UBE4A: variants seen among roughly 807,000 people sequenced by gnomAD.
UBE4A encodes ubiquitin conjugation factor E4 A.
Under a neutral mutation model 117.9 loss-of-function variants are expected in UBE4A, and 48 were observed. That is an observed-to-expected ratio of 0.41 (90% confidence interval 0.32 to 0.52). The LOEUF is 0.52. Among genes scored for constraint, UBE4A ranks in the 20% least tolerant of loss-of-function variants. The pLI, the probability that UBE4A is intolerant of heterozygous loss-of-function variation, is 0.33. For synonymous variants in UBE4A, 407 were observed against 450.0 expected (o/e 0.90, Z 1.21); for missense variants, 1,067 against 1,296.3 (o/e 0.82, Z 2.72).
chr11:118,378,936 C>G (rs1555125828), intron 10 of UBE4A: 1 of 153,952 alleles, frequency 6.5e-6, no homozygotes, highest in Admixed American at 6.4e-5. Flanking sequence ...GGAAGCTGCT[C>G]TTAGATTGCA....
intron 1 of UBE4A, among the ~76,000 whole-genome samples, chr11:118,361,849 T>C (rs1256138180): frequency 6.6e-6 from 1 of 152,190 alleles, no homozygotes; most frequent in East Asian, 1.9e-4. Context: ...AGCCATTCAA[T>C]AACTACTTAT....
chr11:118,361,995 T>G (rs1296700052), intron 1 of UBE4A, among the ~76,000 whole-genome samples: 1 of 152,174 alleles, frequency 6.6e-6, no homozygotes, highest in Non-Finnish European at 1.5e-5. Context: ...AAGTTTAAAA[T>G]CCTAGTAAAA....
chr11:118,362,861 A>G (rs1343111731), intron 1 of UBE4A, among the ~76,000 whole-genome samples: 1 of 152,190 alleles, frequency 6.6e-6, no homozygotes, highest in African/African-American at 2.4e-5. Flanking sequence ...AAAATGCTGT[A>G]TTCTTTTTAG....
At chr11:118,369,876 G>A (rs539063819) in intron 4 of UBE4A, among the ~76,000 whole-genome samples, 20 of 151,170 alleles carry the variant, frequency 1.3e-4, no homozygotes, top group South Asian at 2.1e-4. Flanking sequence ...GGTGGATCAC[G>A]AGGTCAGGAG....
At chr11:118,388,195 G>T (rs1421224576) in intron 16 of UBE4A, among the ~76,000 whole-genome samples, 1 of 152,086 alleles carries the variant, frequency 6.6e-6, no homozygotes, top group African/African-American at 2.4e-5. Flanking sequence ...TATATTGAGG[G>T]CATCTGTGAT....
chr11:118,379,537 G>A lies in UBE4A; in HGVS notation c.1663G>A (p.Asp555Asn). 6.2e-7 allele frequency: 1 copy of A among 1,614,220 alleles called. No homozygotes were observed. Among genetic ancestry groups the A allele is most frequent in the Non-Finnish European group, 8.5e-7 (1 of 1,180,036 alleles). ...DAQQSSSPAA[D>N]NLREQFERLM... ...TCAGCAAAGTTCTAGCCCTGCTGCTGACAATCTTCGTGAGCAGTTTGAACG... is the reference window on the plus strand; with the variant it reads ...TCAGCAAAGTTCTAGCCCTGCTGCTAACAATCTTCGTGAGCAGTTTGAACG... The change falls in exon 11 of 20, where the codon GAC (aspartate) becomes AAC (asparagine). Residue 555 changes from aspartate to asparagine, a missense_variant. Physicochemically the swap from Asp to Asn is conservative, Grantham distance 23. This residue lies in a region of UBE4A where 1,001 missense variants were observed against 1,184.0 expected (regional missense o/e 0.85). Coordinates refer to ENST00000252108, the MANE Select transcript of UBE4A (RefSeq NM_001204077.2).
intron 9 of UBE4A, among the ~76,000 whole-genome samples, chr11:118,375,888 C>T (rs1447663121): frequency 6.6e-6 from 1 of 152,132 alleles, no homozygotes; most frequent in East Asian, 1.9e-4. Context: ...GCTATGGGAG[C>T]ACAGAGGAGG....
chr11:118,369,064 A>G (rs1282589652), intron 3 of UBE4A, among the ~76,000 whole-genome samples: 1 of 152,216 alleles, frequency 6.6e-6, no homozygotes, highest in Non-Finnish European at 1.5e-5. Context: ...AGGAAATGGG[A>G]AGGGTAGCCA....
At position 118,374,807 on chromosome 11, in the gene UBE4A, A is replaced by G. The variant is rs868974673; in HGVS notation, c.1117-89A>G. 2.1e-5 allele frequency: 26 copies of G among 1,259,576 alleles called. No individual in the cohort carries two copies. The African/African-American group carries it at 3.3e-4, about 16-fold the overall frequency. 78.0% of individuals were successfully genotyped at this position (1,259,576 alleles called of 1,614,324 possible). A position where few individuals can be genotyped will look rare whatever the true frequency, so the allele number is the denominator to read the frequency against. On this transcript the variant is annotated intron_variant, in intron 8 of 19. Coordinates refer to ENST00000252108, the MANE Select transcript of UBE4A (RefSeq NM_001204077.2). ...TGAGGGGAAAGATTAGGATTAGCAT[A>G]TTTTTGGAAACTGCCAGTTGCTAAG...
chr11:118,393,035 T>C (rs1373603781), intron 19 of UBE4A, 140 bp downstream of exon 19: 1 of 836,182 alleles, frequency 1.2e-6, no homozygotes, highest in Admixed American at 3.2e-5. Flanking sequence ...GAAGACATTT[T>C]GGTTTCAATT....
chr11:118,382,857 C>G (rs554512348), intron 13 of UBE4A, 81 bp downstream of exon 13: 1 of 1,277,974 alleles, frequency 7.8e-7, no homozygotes, highest in East Asian at 2.8e-5. Context: ...ATTTGGATAT[C>G]AAAGAAATGT....
chr11:118,365,273 A>T, intron 2 of UBE4A, 72 bp downstream of exon 2: 1 of 1,451,030 alleles, frequency 6.9e-7, no homozygotes. Flanking sequence ...GTATTCTTTG[A>T]GTCCTTAATT....
chr11:118,379,796 G>C, intron 11 of UBE4A, 46 bp downstream of exon 11: 1 of 1,554,524 alleles, frequency 6.4e-7, no homozygotes, highest in East Asian at 2.3e-5. Context: ...AGCCTTCTGA[G>C]TTTAAGTGGG....
intron 2 of UBE4A, among the ~76,000 whole-genome samples, chr11:118,367,352 AATTT>A (rs1281657297): frequency 6.6e-6 from 1 of 152,150 alleles, no homozygotes; most frequent in Non-Finnish European, 1.5e-5. Flanking sequence ...ATGATTAAAA[AATTT>A]ATTCTCATCA....
intron 19 of UBE4A, among the ~76,000 whole-genome samples, chr11:118,393,365 C>T (rs913735186): frequency 3.3e-5 from 5 of 152,096 alleles, no homozygotes; most frequent in African/African-American, 7.2e-5. Flanking sequence ...TGCAATGAGC[C>T]GAGATCGCAC....
chr11:118,361,008 A>ATTTTT (rs71301652), intron 1 of UBE4A, among the ~76,000 whole-genome samples: 1 of 104,908 alleles, frequency 9.5e-6, no homozygotes, highest in East Asian at 2.6e-4. Context: ...GTGTGTGTGT[A>ATTTTT]TTTTTTTTTT....
intron 2 of UBE4A, among the ~76,000 whole-genome samples, chr11:118,368,009 G>C (rs543391711): frequency 2.0e-5 from 3 of 152,232 alleles, no homozygotes; most frequent in African/African-American, 7.2e-5. Context: ...CAAAAGATGT[G>C]ATACAATACA....
chr11:118,392,950 C>A (rs1591310018), intron 19 of UBE4A, 55 bp downstream of exon 19: 1 of 1,556,156 alleles, frequency 6.4e-7, no homozygotes, highest in Non-Finnish European at 8.7e-7. Flanking sequence ...AGTTTGCTAT[C>A]TTTTTCTCCC....
chr11:118,368,915 C>T, intron 3 of UBE4A, 111 bp downstream of exon 3: 1 of 1,104,000 alleles, frequency 9.1e-7, no homozygotes, highest in Non-Finnish European at 1.3e-6. Flanking sequence ...CTACTCACTG[C>T]ACTCCCTGGA....
Sources: allele counts gnomAD v4.1 joint callset (sites outside exome capture counted in the v4.1 genomes callset), GRCh38; gene constraint gnomAD v4.1.1; regional missense constraint gnomAD v4.1.1; transcripts MANE v1.5; gene names NCBI Gene and HGNC (gene_info 2026-07-23, HGNC 2026-07-21).